PCDHA3: variants seen among roughly 807,000 people sequenced by gnomAD.
The protein encoded by PCDHA3 is protocadherin alpha 3.
In PCDHA3, 41 loss-of-function variants were observed where a neutral mutation model predicts 62.2. The observed-to-expected ratio is 0.66, with a 90% confidence interval of 0.51 to 0.86. The LOEUF (loss-of-function observed/expected upper bound fraction) is 0.86. PCDHA3 is among the 40% of genes least tolerant of loss of function. The pLI is 0.00. For synonymous variants in PCDHA3, 640 were observed against 555.4 expected (o/e 1.15, Z -2.14); for missense variants, 1,304 against 1,241.2 (o/e 1.05, Z -0.76).
At chr5:140,858,372 C>T in intron 1 of PCDHA3, 1 of 1,587,864 alleles carries the variant, frequency 6.3e-7, no homozygotes, top group Non-Finnish European at 8.6e-7. Flanking sequence ...CCCAGCCTTC[C>T]ACCATGCCCA....
At chr5:140,858,653 TTTTAAATAACAATTTATTCTGAATACAC>T in intron 1 of PCDHA3, 1 of 816,482 alleles carries the variant, frequency 1.2e-6, no homozygotes, top group Non-Finnish European at 1.9e-6. Flanking sequence ...ACTTAAATTT[TTTTAAATAACAATTTATTCTGAATACAC>T]TAATATTTTC....
intron 1 of PCDHA3, chr5:140,858,206 A>T (rs781984728): frequency 1.3e-6 from 2 of 1,593,038 alleles, no homozygotes; most frequent in Non-Finnish European, 1.7e-6. Flanking sequence ...CACTGCACTG[A>T]GGTGCTCGGC....
intron 1 of PCDHA3, chr5:140,836,153 G>T: frequency 6.2e-7 from 1 of 1,613,816 alleles, no homozygotes; most frequent in Non-Finnish European, 8.5e-7. Context: ...CGGGCCATGT[G>T]GTGGCGAAGG....
chr5:140,863,022 C>T (rs1339638342), intron 1 of PCDHA3: 3 of 554,506 alleles, frequency 5.4e-6, no homozygotes, highest in Non-Finnish European at 7.1e-6. Flanking sequence ...GCCTGGTTGT[C>T]GCAACAGCTG....
intron 1 of PCDHA3, among the ~76,000 whole-genome samples, chr5:140,978,316 A>AC (rs1370469532): frequency 5.4e-4 from 83 of 152,358 alleles, no homozygotes; most frequent in African/African-American, 1.9e-3. Context: ...AGGAGCAGGA[A>AC]CAAGTACAAG....
chr5:140,873,436 A>G (rs1159512158), intron 1 of PCDHA3, among the ~76,000 whole-genome samples: 1 of 152,214 alleles, frequency 6.6e-6, no homozygotes, highest in Non-Finnish European at 1.5e-5. Flanking sequence ...TTTATATCAC[A>G]TAAATAACAA....
chr5:140,941,286 CTCTT>C (rs5871754), intron 1 of PCDHA3, among the ~76,000 whole-genome samples: 36,780 of 106,460 alleles, frequency 0.35, 6,423 homozygotes, highest in East Asian at 0.56. Flanking sequence ...TCCTTCCTTT[CTCTT>C]TCTTTCTTTC....
chr5:140,871,534 T>G, intron 1 of PCDHA3: 1 of 1,514,416 alleles, frequency 6.6e-7, no homozygotes, highest in Non-Finnish European at 8.9e-7. Context: ...GAAGTGTATG[T>G]GAAATTATTT....
chr5:140,822,420 T>A, intron 1 of PCDHA3: 1 of 1,614,088 alleles, frequency 6.2e-7, no homozygotes, highest in Non-Finnish European at 8.5e-7. Flanking sequence ...TTGCAACTGA[T>A]GGAGGAAAAC....
chr5:140,927,862 G>T, intron 1 of PCDHA3: 1 of 1,614,200 alleles, frequency 6.2e-7, no homozygotes. Context: ...AGCTAGCACC[G>T]CTAAACTGCT....
chr5:140,823,731 C>A, intron 1 of PCDHA3: 1 of 1,613,874 alleles, frequency 6.2e-7, no homozygotes, highest in Non-Finnish European at 8.5e-7. Context: ...TGGTGAAGGA[C>A]CATGGAGAGC....
intron 1 of PCDHA3, chr5:140,884,678 A>T (rs781881057): frequency 1.0e-5 from 16 of 1,553,210 alleles, no homozygotes; most frequent in South Asian, 4.9e-5. Context: ...CTTATATTTT[A>T]AAAAATTGTC....
intron 1 of PCDHA3, among the ~76,000 whole-genome samples, chr5:140,891,271 G>A (rs782182381): frequency 7.9e-5 from 12 of 151,678 alleles, no homozygotes; most frequent in South Asian, 4.2e-4. Flanking sequence ...TAATTTTTCC[G>A]TAAGTTATTG....
At chr5:140,838,892 G>A (rs2150293495) in intron 1 of PCDHA3, among the ~76,000 whole-genome samples, 5 of 151,826 alleles carry the variant, frequency 3.3e-5, no homozygotes, top group Non-Finnish European at 5.9e-5. Context: ...TCCAGCCTAG[G>A]TGACAGAGCA....
At chr5:140,988,489 C>G (rs1197670303) in intron 3 of PCDHA3, among the ~76,000 whole-genome samples, 4 of 152,134 alleles carry the variant, frequency 2.6e-5, no homozygotes, top group Non-Finnish European at 5.9e-5. Flanking sequence ...CATCCCCTAC[C>G]TAGGAGAAGC....
At chr5:140,953,545 C>A (rs551898012) in intron 1 of PCDHA3, among the ~76,000 whole-genome samples, 1 of 152,204 alleles carries the variant, frequency 6.6e-6, no homozygotes, top group Admixed American at 6.5e-5. Context: ...CATGCTGATT[C>A]TTTTCTCCAA....
At chr5:140,968,442 T>C in intron 1 of PCDHA3, 1 of 1,614,068 alleles carries the variant, frequency 6.2e-7, no homozygotes, top group Non-Finnish European at 8.5e-7. Flanking sequence ...AGCCCACCAC[T>C]GAGCAGCACT....
intron 3 of PCDHA3, among the ~76,000 whole-genome samples, chr5:141,006,959 A>G (rs2098296620): frequency 6.6e-6 from 1 of 152,142 alleles, no homozygotes; most frequent in East Asian, 1.9e-4. Context: ...GTTATACATG[A>G]GATTGGAGCA....
chr5:140,850,087 TAC>T (rs2041337151), intron 1 of PCDHA3: 1 of 1,596,398 alleles, frequency 6.3e-7, no homozygotes, highest in African/African-American at 1.3e-5. Context: ...CTGGAGCTGC[TAC>T]AGTTCCAGGT....
Sources: gnomAD v4.1 joint callset for allele counts (sites outside exome capture counted in the v4.1 genomes callset) on GRCh38, gnomAD v4.1.1 for gene constraint, MANE v1.5 for transcripts, NCBI Gene and HGNC (gene_info 2026-07-23, HGNC 2026-07-21) for gene names.